The following TAS2R1 variants were observed in gnomAD, a reference collection of about 807,000 sequenced individuals.
The protein encoded by TAS2R1 is taste receptor type 2 member 1.
For missense variants in TAS2R1, 370 were observed against 353.4 expected (o/e 1.05, Z -0.38); for synonymous variants, 141 against 134.2 (o/e 1.05, Z -0.35).
the TAS2R1 span, among the ~76,000 whole-genome samples, chr5:9,822,506 C>T: frequency 3.9e-5 from 6 of 152,032 alleles, no homozygotes; most frequent in South Asian, 2.1e-4. Context: ...TGTGCCACCA[C>T]GCCTGGCTAA....
chr5:9,756,666 T>C, the TAS2R1 span, among the ~76,000 whole-genome samples: 1 of 152,284 alleles, frequency 6.6e-6, no homozygotes, highest in South Asian at 2.1e-4. Context: ...TTGGGGGCCT[T>C]TGGGAAATTT....
At chr5:9,888,875 T>C in the TAS2R1 span, among the ~76,000 whole-genome samples, 1 of 152,036 alleles carries the variant, frequency 6.6e-6, no homozygotes, top group African/African-American at 2.4e-5. Context: ...AGAAGACAGA[T>C]GGCATCTTCC....
the TAS2R1 span, among the ~76,000 whole-genome samples, chr5:9,744,963 G>T: frequency 6.6e-6 from 1 of 152,148 alleles, no homozygotes; most frequent in Non-Finnish European, 1.5e-5. Context: ...AACGAAGATG[G>T]ACTGATAGGT....
At chr5:9,849,666 G>T in the TAS2R1 span, among the ~76,000 whole-genome samples, 1 of 152,128 alleles carries the variant, frequency 6.6e-6, no homozygotes, top group Non-Finnish European at 1.5e-5. Flanking sequence ...GAGGTACAAA[G>T]GTTCACTTGA....
At chr5:9,887,388 C>A in the TAS2R1 span, among the ~76,000 whole-genome samples, 1 of 152,114 alleles carries the variant, frequency 6.6e-6, no homozygotes, top group Non-Finnish European at 1.5e-5. Context: ...CATTTTAGCT[C>A]AACAAATTCC....
chr5:9,873,872 G>GAA, the TAS2R1 span, among the ~76,000 whole-genome samples: 33 of 121,714 alleles, frequency 2.7e-4, no homozygotes, highest in Middle Eastern at 4.2e-3. Context: ...CTGTCTCGGG[G>GAA]AAAAAAAAAA....
At chr5:9,727,776 T>C in the TAS2R1 span, among the ~76,000 whole-genome samples, 1 of 152,084 alleles carries the variant, frequency 6.6e-6, no homozygotes, top group African/African-American at 2.4e-5. Flanking sequence ...GTCTGCGTGG[T>C]CGGCTTCTTG....
At chr5:9,903,087 C>A in the TAS2R1 span, among the ~76,000 whole-genome samples, 4 of 152,024 alleles carry the variant, frequency 2.6e-5, no homozygotes, top group African/African-American at 4.8e-5. Flanking sequence ...CTTTGAGTTA[C>A]AAACAATCCA....
At chr5:9,706,053 C>T (rs1425229455) in intron 1 of TAS2R1, among the ~76,000 whole-genome samples, 1 of 152,182 alleles carries the variant, frequency 6.6e-6, no homozygotes, top group Admixed American at 6.5e-5. Context: ...ACCTAAATCA[C>T]ATTCTCCAAA....
At chr5:9,763,276 G>A in the TAS2R1 span, among the ~76,000 whole-genome samples, 4 of 152,218 alleles carry the variant, frequency 2.6e-5, no homozygotes, top group South Asian at 4.1e-4. Context: ...AGGCCGAGGC[G>A]GGTGGATCAC....
chr5:9,631,230 A>T (rs1207587176), upstream of TAS2R1, among the ~76,000 whole-genome samples: 2 of 151,756 alleles, frequency 1.3e-5, no homozygotes, highest in South Asian at 2.1e-4. Flanking sequence ...ATAATGTGAT[A>T]TAAAACTAAG....
At chr5:9,685,189 C>A (rs1019351176) in intron 1 of TAS2R1, among the ~76,000 whole-genome samples, 9 of 152,054 alleles carry the variant, frequency 5.9e-5, no homozygotes, top group African/African-American at 2.2e-4. Flanking sequence ...TAGAAAATAA[C>A]CAGATAGGAT....
At chr5:9,707,236 C>T (rs919291809) in intron 1 of TAS2R1, among the ~76,000 whole-genome samples, 1 of 152,046 alleles carries the variant, frequency 6.6e-6, no homozygotes, top group Non-Finnish European at 1.5e-5. Context: ...AATGAGAAGG[C>T]AGGAAGATGG....
chr5:9,760,606 A>G, the TAS2R1 span, among the ~76,000 whole-genome samples: 1 of 152,334 alleles, frequency 6.6e-6, no homozygotes, highest in South Asian at 2.1e-4. Flanking sequence ...AATCATATCA[A>G]TGGATGTAGA....
At chr5:9,653,252 G>A (rs533829812) in intron 2 of TAS2R1, among the ~76,000 whole-genome samples, 4 of 152,284 alleles carry the variant, frequency 2.6e-5, no homozygotes, top group South Asian at 2.1e-4. Flanking sequence ...TGTAACATAC[G>A]TCAGAATGTC....
chr5:9,762,803 T>A, the TAS2R1 span, among the ~76,000 whole-genome samples: 37 of 152,332 alleles, frequency 2.4e-4, no homozygotes, highest in African/African-American at 8.4e-4. Context: ...CTGCAATTTG[T>A]AAGAGTTCCC....
chr5:9,893,599 G>GCA, the TAS2R1 span, among the ~76,000 whole-genome samples: 8 of 150,444 alleles, frequency 5.3e-5, no homozygotes, highest in South Asian at 1.7e-3. Context: ...ATACATACTT[G>GCA]TAATAAAAAA....
chr5:9,831,956 T>C, the TAS2R1 span, among the ~76,000 whole-genome samples: 1 of 152,180 alleles, frequency 6.6e-6, no homozygotes, highest in Non-Finnish European at 1.5e-5. Context: ...AATTTCGCAA[T>C]GGAAAAGAAA....
the TAS2R1 span, among the ~76,000 whole-genome samples, chr5:9,860,087 C>T: frequency 2.0e-5 from 3 of 151,822 alleles, no homozygotes; most frequent in Admixed American, 2.0e-4. Context: ...AAGCAGGTGG[C>T]AATAAGGGGA....
Sources: allele counts gnomAD v4.1 joint callset (sites outside exome capture counted in the v4.1 genomes callset), GRCh38; gene constraint gnomAD v4.1.1; transcripts MANE v1.5; gene names NCBI Gene and HGNC (gene_info 2026-07-23, HGNC 2026-07-21).